MOK: variants seen among roughly 807,000 people sequenced by gnomAD.
MOK encodes MOK protein kinase.
MOK carries 59 observed loss-of-function variants against 54.2 expected under a neutral mutation model. The observed-to-expected ratio is 1.09, with a 90% CI of 0.88 to 1.35. The LOEUF (loss-of-function observed/expected upper bound fraction) is 1.35. MOK is among the 40% of genes most tolerant of loss of function. The pLI, the probability that MOK is intolerant of heterozygous loss-of-function variation, is 0.00. For synonymous variants in MOK, 210 were observed against 202.7 expected, an observed-to-expected ratio of 1.04 and a Z score of -0.31; for missense variants, 517 against 526.2, an observed-to-expected ratio of 0.98 and a Z score of 0.17.
intron 4 of MOK, among the ~76,000 whole-genome samples, chr14:102,260,050 C>T (rs1299166647): frequency 6.6e-6 from 1 of 152,104 alleles, no homozygotes; most frequent in Non-Finnish European, 1.5e-5. Flanking sequence ...GTGGCGCATG[C>T]CTGTAATCCC....
At chr14:102,221,686 C>CG (rs2063916704), downstream of MOK, among the ~76,000 whole-genome samples, 1 of 152,148 alleles carries the variant, frequency 6.6e-6, no homozygotes, top group Non-Finnish European at 1.5e-5. This position sits in a 1 kb window ranked among gnomAD's most constrained non-coding sequence, Gnocchi z 4.8. Flanking sequence ...ATGACTTGAG[C>CG]GGGACAGCTT....
chr14:102,291,776 G>A (rs2153184592), intron 1 of MOK, among the ~76,000 whole-genome samples: 1 of 152,040 alleles, frequency 6.6e-6, no homozygotes, highest in East Asian at 1.9e-4. Context: ...GGCCAACATG[G>A]TGAAACCCCA....
At chr14:102,256,680 C>T (rs1452744038) in intron 4 of MOK, among the ~76,000 whole-genome samples, 1 of 149,890 alleles carries the variant, frequency 6.7e-6, no homozygotes, top group East Asian at 1.9e-4. Flanking sequence ...GGACTACACA[C>T]GTGAGCCACT....
Position 102,232,086 on chromosome 14 carries a change from T to G in MOK, c.867-265A>C, listed in dbSNP as rs967676976. On this transcript the variant is annotated intron_variant, in intron 9 of 11. Coordinates refer to ENST00000361847, the MANE Select transcript of MOK (RefSeq NM_014226.3). The surrounding 1 kb of genome is among the most constrained non-coding windows in gnomAD (Gnocchi z 5.1). Reference sequence around the variant, plus strand: ...CAGATCAAACTGTCACCTCCACAGTTAGGCAAACAGGAGTGTCCAGAGGTC... The same window carrying G: ...CAGATCAAACTGTCACCTCCACAGTGAGGCAAACAGGAGTGTCCAGAGGTC... The G allele has an allele frequency of 2.3e-6, 1 of 433,618 alleles. No homozygotes were observed. The highest frequency in any genetic ancestry group is 2.0e-5 in the African/African-American group (1 of 50,068). 26.9% of individuals were successfully genotyped at this position (433,618 alleles called of 1,614,324 possible).
chr14:102,272,643 TCCA>T (rs2068474982), intron 2 of MOK, among the ~76,000 whole-genome samples: 1 of 152,048 alleles, frequency 6.6e-6, no homozygotes, highest in Non-Finnish European at 1.5e-5. Flanking sequence ...ATGAATGTTA[TCCA>T]CCACAATACA....
In MOK at chr14:102,283,571, A is replaced by G; in HGVS notation, c.29T>C (p.Ile10Thr). 1.2e-6 allele frequency: 2 copies of G among 1,612,484 alleles called. No individual in the cohort carries two copies. The highest frequency in any genetic ancestry group is 2.2e-5 in the East Asian group (1 of 44,858). The stretch of plus-strand genomic sequence containing the variant: ...AACTTCAGAAAACGTTCCCTCTCCT[A>G]TTTTGCCAATTGCTTTATAGTCTAT... MKNYKAIGK[I>T]GEGTFSEVMK... is the part of the protein sequence containing the mutation. The change falls in exon 2 of 12, where the codon ATA becomes ACA. Residue 10 changes from isoleucine (I) to threonine (T), a missense_variant. By Grantham distance (89) the Ile-to-Thr change is moderately conservative. Transcript: ENST00000361847.
chr14:102,229,840 AC>A, intron 10 of MOK, 183 bp from the exon 11 acceptor site: 4 of 609,264 alleles, frequency 6.6e-6, no homozygotes, highest in Non-Finnish European at 1.1e-5. Context: ...CTAGAGTCCC[AC>A]GGGGGAGGCC....
chr14:102,254,583 A>ACC, intron 4 of MOK, among the ~76,000 whole-genome samples: 1 of 151,664 alleles, frequency 6.6e-6, no homozygotes, highest in East Asian at 1.9e-4. Flanking sequence ...GGCACTCAAG[A>ACC]CCCCCTTCAA....
chr14:102,252,037 A>G, intron 4 of MOK, 42 bp from the exon 5 acceptor site: 1 of 1,057,220 alleles, frequency 9.5e-7, no homozygotes, highest in Non-Finnish European at 1.4e-6. Context: ...TACTGATGGT[A>G]CATATCCTCT....
intron 7 of MOK, among the ~76,000 whole-genome samples, chr14:102,243,046 C>T (rs2065837850): frequency 6.6e-6 from 1 of 152,190 alleles, no homozygotes; most frequent in South Asian, 2.1e-4. Context: ...TCATCTGTTA[C>T]CTATCTTGGC....
intron 7 of MOK, 123 bp from the exon 8 acceptor site, chr14:102,233,912 C>A: frequency 1.5e-6 from 1 of 678,184 alleles, no homozygotes; most frequent in Non-Finnish European, 2.6e-6. Flanking sequence ...TTTACCTACA[C>A]CCTTCTGTAA....
At chr14:102,250,688 A>G in intron 7 of MOK, 124 bp downstream of exon 7, 1 of 1,008,980 alleles carries the variant, frequency 9.9e-7, no homozygotes, top group East Asian at 2.7e-5. Context: ...GTTAAATTAA[A>G]AACAGTAAAA....
intron 1 of MOK, among the ~76,000 whole-genome samples, chr14:102,304,359 T>C (rs1376263171): frequency 6.6e-6 from 1 of 152,240 alleles, no homozygotes; most frequent in Admixed American, 6.5e-5. Context: ...TTTTACCCGT[T>C]ACATTTTCTA....
chr14:102,233,428 ACAGCCTGACTCCC>A (rs2064925144), intron 8 of MOK: 1 of 449,896 alleles, frequency 2.2e-6, no homozygotes, highest in Non-Finnish European at 4.0e-6. Flanking sequence ...CTCAGGGAAC[ACAGCCTGACTCCC>A]CAGCCCTCAG....
intron 1 of MOK, among the ~76,000 whole-genome samples, chr14:102,303,188 A>G (rs1260339298): frequency 1.3e-5 from 2 of 152,084 alleles, no homozygotes; most frequent in East Asian, 3.8e-4. Context: ...AGAGAAAAAG[A>G]AGGTAGATAA....
chr14:102,264,565 A>C (rs2067743850), intron 3 of MOK: 1 of 152,234 alleles, frequency 6.6e-6, no homozygotes, highest in African/African-American at 2.4e-5. Context: ...TCCGAGGTCC[A>C]TGTGAGATTC....
chr14:102,258,000 G>A (rs2067109171), intron 4 of MOK, among the ~76,000 whole-genome samples: 1 of 151,228 alleles, frequency 6.6e-6, no homozygotes, highest in Non-Finnish European at 1.5e-5. Context: ...AAGAATACCT[G>A]TTTAGAACCA....
intron 2 of MOK, among the ~76,000 whole-genome samples, chr14:102,275,680 TC>T (rs1316045752): frequency 4.6e-5 from 7 of 151,832 alleles, no homozygotes; most frequent in African/African-American, 1.7e-4. Flanking sequence ...GACAAAAATT[TC>T]TTCTAAGACA....
intron 2 of MOK, among the ~76,000 whole-genome samples, chr14:102,275,749 A>C (rs2068807485): frequency 6.6e-6 from 1 of 152,134 alleles, no homozygotes; most frequent in Non-Finnish European, 1.5e-5. Flanking sequence ...ACTGACATTA[A>C]AAAACTTCAG....
Sources: gnomAD v4.1 joint callset for allele counts (sites outside exome capture counted in the v4.1 genomes callset) on GRCh38, gnomAD v4.1.1 for gene constraint, Gnocchi (gnomAD v3.1) non-coding constraint, MANE v1.5 for transcripts, NCBI Gene and HGNC (gene_info 2026-07-23, HGNC 2026-07-21) for gene names.